Variants in CLNK observed in about 807,000 individuals in gnomAD.
CLNK encodes cytokine-dependent hematopoietic cell linker.
Under a neutral mutation model 68.6 loss-of-function variants are expected in CLNK, and 74 were observed. The observed-to-expected ratio is 1.08, with a 90% CI of 0.89 to 1.31. CLNK has a LOEUF of 1.31. CLNK is among the 50% of genes most tolerant of loss of function. The pLI is 0.00. For synonymous variants in CLNK, 198 were observed against 172.2 expected, an observed-to-expected ratio of 1.15 and a Z score of -1.17; for missense variants, 553 against 515.3, an observed-to-expected ratio of 1.07 and a Z score of -0.71.
chr4:10,558,482 C>T, intron 7 of CLNK, 30 bp from the exon 8 acceptor site: 1 of 1,606,590 alleles, frequency 6.2e-7, no homozygotes. Context: ...ACCATTATCT[C>T]TTCAGTTGTG....
the CLNK span, among the ~76,000 whole-genome samples, chr4:10,694,077 G>A: frequency 6.6e-6 from 1 of 152,008 alleles, no homozygotes; most frequent in Admixed American, 6.6e-5. Flanking sequence ...GGTGGTGGTA[G>A]AGGCGAGGAA....
At chr4:10,703,877 CT>C in the CLNK span, among the ~76,000 whole-genome samples, 1 of 152,148 alleles carries the variant, frequency 6.6e-6, no homozygotes, top group Admixed American at 6.5e-5. Flanking sequence ...TATGGGACCA[CT>C]GTTGTATATG....
At chr4:10,585,879 A>T (rs1479067797) in intron 3 of CLNK, among the ~76,000 whole-genome samples, 2 of 152,148 alleles carry the variant, frequency 1.3e-5, no homozygotes, top group Non-Finnish European at 2.9e-5. Context: ...TTGATTATCT[A>T]CCTCAGTGGT....
intron 1 of CLNK, among the ~76,000 whole-genome samples, chr4:10,676,980 A>ATTTTTTTT (rs10647095): frequency 3.5e-5 from 5 of 143,488 alleles, no homozygotes; most frequent in Non-Finnish European, 7.6e-5. Flanking sequence ...TCTCGCCCCT[A>ATTTTTTTT]TTTTTTTTTT....
At chr4:10,611,716 G>A (rs1259300588) in intron 2 of CLNK, among the ~76,000 whole-genome samples, 1 of 152,168 alleles carries the variant, frequency 6.6e-6, no homozygotes, top group Non-Finnish European at 1.5e-5. Flanking sequence ...GAGGCCCAAT[G>A]ATGTGCTGCT....
At chr4:10,545,118 C>T (rs775926600) in intron 8 of CLNK, among the ~76,000 whole-genome samples, 22 of 152,222 alleles carry the variant, frequency 1.4e-4, no homozygotes, top group Middle Eastern at 6.8e-3. Context: ...CCTGGTTCAC[C>T]GAAATGCATG....
chr4:10,564,619 GT>G, intron 7 of CLNK, 51 bp downstream of exon 7: 1 of 1,297,476 alleles, frequency 7.7e-7, no homozygotes, highest in East Asian at 2.3e-5. Flanking sequence ...TTTCTAGCTG[GT>G]TAGGAAGAGC....
intron 3 of CLNK, among the ~76,000 whole-genome samples, chr4:10,587,561 G>T (rs1308511290): frequency 2.0e-5 from 3 of 152,184 alleles, no homozygotes; most frequent in Admixed American, 1.3e-4. Context: ...GGGACGTTGG[G>T]CACAGAACAG....
At chr4:10,699,486 C>CTA in the CLNK span, among the ~76,000 whole-genome samples, 1 of 66,194 alleles carries the variant, frequency 1.5e-5, no homozygotes, top group Admixed American at 1.7e-4. Context: ...CTCTCTCTCT[C>CTA]TCTCTCTCTA....
chr4:10,611,057 C>G (rs1211597424), intron 2 of CLNK, among the ~76,000 whole-genome samples: 1 of 152,122 alleles, frequency 6.6e-6, no homozygotes, highest in Non-Finnish European at 1.5e-5. Context: ...CAGTGGCTCA[C>G]GCCTGTAATC....
upstream of CLNK, among the ~76,000 whole-genome samples, chr4:10,686,204 T>A (rs984132423): frequency 6.6e-6 from 1 of 152,110 alleles, no homozygotes; most frequent in African/African-American, 2.4e-5. Context: ...TCCCTGTGTC[T>A]TTGTCCAAAT....
At chr4:10,568,784 C>T (rs1332307150) in intron 5 of CLNK, among the ~76,000 whole-genome samples, 1 of 152,218 alleles carries the variant, frequency 6.6e-6, no homozygotes, top group African/African-American at 2.4e-5. Flanking sequence ...ATGTTGCTTT[C>T]AGTCTTGTGA....
chr4:10,547,915 A>G (rs1719300324), intron 8 of CLNK, among the ~76,000 whole-genome samples: 1 of 152,024 alleles, frequency 6.6e-6, no homozygotes, highest in Non-Finnish European at 1.5e-5. Context: ...TGCTGTTTCC[A>G]TATCTTGGCT....
intron 1 of CLNK, among the ~76,000 whole-genome samples, chr4:10,680,373 G>T (rs1421869870): frequency 7.7e-6 from 1 of 130,072 alleles, no homozygotes; most frequent in Non-Finnish European, 1.6e-5. Flanking sequence ...GTGGTGGGTT[G>T]GGGGGAGGGG....
the CLNK span, among the ~76,000 whole-genome samples, chr4:10,689,916 T>G: frequency 6.6e-6 from 1 of 151,946 alleles, no homozygotes; most frequent in Non-Finnish European, 1.5e-5. Context: ...TCTCATCTCA[T>G]AGCCTGTCTC....
At chr4:10,503,410 C>G (rs867562171) in intron 17 of CLNK, among the ~76,000 whole-genome samples, 2 of 150,352 alleles carry the variant, frequency 1.3e-5, no homozygotes, top group African/African-American at 4.9e-5. Context: ...TGCAGTGAGC[C>G]GAGATCATGC....
chr4:10,582,244 C>T (rs1417333162), intron 4 of CLNK, among the ~76,000 whole-genome samples: 1 of 152,186 alleles, frequency 6.6e-6, no homozygotes, highest in Non-Finnish European at 1.5e-5. Context: ...GGCATTGCAG[C>T]ATCTGGAAAC....
chr4:10,660,994 T>C (rs1392425363), intron 2 of CLNK, among the ~76,000 whole-genome samples: 4 of 152,164 alleles, frequency 2.6e-5, no homozygotes, highest in African/African-American at 9.7e-5. Context: ...TAATTACTTC[T>C]GGGTAACTAG....
At chr4:10,511,037 C>T (rs1173769759) in intron 16 of CLNK, among the ~76,000 whole-genome samples, 1 of 152,138 alleles carries the variant, frequency 6.6e-6, no homozygotes, top group African/African-American at 2.4e-5. Flanking sequence ...CCTGTAATCC[C>T]AGATACTTGG....
Sources: gnomAD v4.1 joint callset for allele counts (sites outside exome capture counted in the v4.1 genomes callset) on GRCh38, gnomAD v4.1.1 for gene constraint, MANE v1.5 for transcripts, NCBI Gene and HGNC (gene_info 2026-07-23, HGNC 2026-07-21) for gene names.